Variants in GDA observed in about 807,000 individuals in gnomAD.
The protein encoded by GDA is guanine deaminase, also known as cytoplasmic PSD-95 interactor.
Under a neutral mutation model 59.6 loss-of-function variants are expected in GDA, and 18 were observed. The observed-to-expected ratio is 0.30, with a 90% CI of 0.21 to 0.45. The LOEUF is 0.45. Ranked by LOEUF, GDA falls within the 20% of genes least tolerant of loss-of-function variation. GDA has a pLI of 1.00. For synonymous variants in GDA, 201 were observed against 201.1 expected, an observed-to-expected ratio of 1.00 and a Z score of 0.00; for missense variants, 427 against 552.3, an observed-to-expected ratio of 0.77 and a Z score of 2.27.
At chr9:72,202,822 T>A in intron 3 of GDA, 80 bp downstream of exon 3, 1 of 1,133,700 alleles carries the variant, frequency 8.8e-7, no homozygotes, top group Non-Finnish European at 1.3e-6. Flanking sequence ...ATTTAAATTA[T>A]AAAGCATAAG....
intron 10 of GDA, among the ~76,000 whole-genome samples, 188 bp downstream of exon 10, chr9:72,231,369 G>A (rs1369705093): frequency 6.6e-6 from 1 of 151,972 alleles, no homozygotes; most frequent in African/African-American, 2.4e-5. Context: ...GAGGTCAGGA[G>A]TTCAAGACCA....
At chr9:72,115,434 C>A (rs1045168916) in intron 1 of GDA, among the ~76,000 whole-genome samples, 1 of 152,176 alleles carries the variant, frequency 6.6e-6, no homozygotes, top group Non-Finnish European at 1.5e-5. Context: ...CAGACATCCT[C>A]CTGGAAGAAA....
chr9:72,141,600 AGTGGAGTCC>A (rs1826442567), intron 1 of GDA, among the ~76,000 whole-genome samples: 1 of 152,162 alleles, frequency 6.6e-6, no homozygotes, highest in African/African-American at 2.4e-5. Context: ...TTTCTGCTAG[AGTGGAGTCC>A]AATCTCATTA....
At chr9:72,177,119 G>C (rs1335259207) in intron 1 of GDA, among the ~76,000 whole-genome samples, 4 of 102,158 alleles carry the variant, frequency 3.9e-5, no homozygotes, top group Non-Finnish European at 7.3e-5. Flanking sequence ...TTTTTTTTGA[G>C]ATGGAGTCTT....
rs894546064 is a variant in GDA, at chr9:72,202,835, G to A, written c.384+93G>A. 16 of 1,016,638 alleles carry A rather than the reference G, an allele frequency of 1.6e-5. No individual in the cohort carries two copies. In the African/African-American group the frequency reaches 2.3e-4, roughly 14 times the overall value. The allele number at this position is 1,016,638 out of a possible 1,614,324, so 63.0% of individuals were successfully genotyped here. On this transcript the variant is annotated intron_variant, in intron 3 of 13. Coordinates refer to ENST00000358399, the MANE Select transcript of GDA (RefSeq NM_004293.5). Reference sequence around the variant, plus strand: ...AGATTTAAATTATAAAGCATAAGCAGTTAAGCCTAAGATGGGCCATAGAGA... The same window carrying A: ...AGATTTAAATTATAAAGCATAAGCAATTAAGCCTAAGATGGGCCATAGAGA...
chr9:72,119,708 GA>G (rs1046681952), intron 1 of GDA, among the ~76,000 whole-genome samples: 2 of 151,922 alleles, frequency 1.3e-5, no homozygotes, highest in African/African-American at 2.4e-5. Context: ...GAGTGATTTG[GA>G]AAAAAATTCT....
Position 72,241,106 on chromosome 9 carries a change from T to G in GDA, c.989-46T>G, listed in dbSNP as rs1252521107. ...CAATGTTATATATGTATTATTCCAT[T>G]TATCCTCACAAGGTTACTGTTTTGG... On this transcript the variant is annotated intron_variant, in intron 10 of 13. Transcript: ENST00000358399. 3.5e-6 allele frequency: 5 copies of G among 1,444,714 alleles called. No homozygotes were observed. The South Asian group carries it at 5.0e-5, about 14-fold the overall frequency. The allele number at this position is 1,444,714 out of a possible 1,614,324, so 89.5% of individuals were successfully genotyped here. A position where few individuals can be genotyped will look rare whatever the true frequency, so the allele number is the denominator to read the frequency against.
intron 1 of GDA, among the ~76,000 whole-genome samples, chr9:72,136,182 TA>T: frequency 6.6e-6 from 1 of 152,258 alleles, no homozygotes; most frequent in Non-Finnish European, 1.5e-5. Flanking sequence ...ATGAACAAAA[TA>T]ATGTTATTGA....
intron 5 of GDA, among the ~76,000 whole-genome samples, chr9:72,219,170 C>G (rs573871822): frequency 1.7e-4 from 26 of 152,002 alleles, no homozygotes; most frequent in African/African-American, 5.8e-4. Flanking sequence ...TTTGGGAAGC[C>G]GAGGAGGGCG....
rs1246090453 is a variant in GDA at position 72,251,486 on chromosome 9, T to C, written c.*3144T>C. The C allele has an allele frequency of 1.3e-5, 2 of 152,166 alleles. No homozygotes were observed. Among genetic ancestry groups the C allele is most frequent in the Non-Finnish European group, 2.9e-5 (2 of 68,008 alleles). The allele number at this position is 152,166 out of a possible 1,614,324, so 9.4% of individuals were successfully genotyped here. On this transcript the variant is annotated 3_prime_UTR_variant, in exon 14 of 14. Coordinates refer to ENST00000358399, the MANE Select transcript of GDA (RefSeq NM_004293.5). The stretch of plus-strand genomic sequence containing the variant: ...GCTTCTGGAGACTCTTAGACATCTT[T>C]TCATTGTTGTCCATTTTTAAAGTTG...
At chr9:72,230,584 C>T (rs1263435592) in intron 9 of GDA, among the ~76,000 whole-genome samples, 3 of 151,838 alleles carry the variant, frequency 2.0e-5, no homozygotes, top group Non-Finnish European at 4.4e-5. Context: ...AACCATCTAT[C>T]CTACTTTCTC....
chr9:72,126,106 CG>C (rs1172158241), intron 1 of GDA, among the ~76,000 whole-genome samples: 6 of 151,904 alleles, frequency 3.9e-5, no homozygotes, highest in African/African-American at 1.5e-4. Context: ...TTAGTACAGA[CG>C]GGGTTTCACC....
chr9:72,210,238 G>A (rs933706353), intron 3 of GDA, among the ~76,000 whole-genome samples: 5 of 152,122 alleles, frequency 3.3e-5, no homozygotes, highest in African/African-American at 7.2e-5. Context: ...AATAACGTTT[G>A]TACTCCTTTA....
intron 1 of GDA, among the ~76,000 whole-genome samples, chr9:72,163,878 G>A (rs1357630440): frequency 6.6e-6 from 1 of 152,172 alleles, no homozygotes; most frequent in Non-Finnish European, 1.5e-5. Flanking sequence ...GGTGCAGGAG[G>A]CAGTTTCAGC....
intron 1 of GDA, among the ~76,000 whole-genome samples, chr9:72,125,806 A>G (rs1398509409): frequency 6.6e-6 from 1 of 151,984 alleles, no homozygotes; most frequent in Admixed American, 6.6e-5. Context: ...ATCCACCCCA[A>G]TGTCCTGATC....
intron 1 of GDA, among the ~76,000 whole-genome samples, chr9:72,117,023 A>G (rs972565791): frequency 3.3e-5 from 5 of 150,816 alleles, no homozygotes; most frequent in African/African-American, 1.2e-4. Flanking sequence ...GAGAACATGC[A>G]GTGTTTGGTT....
intron 11 of GDA, among the ~76,000 whole-genome samples, chr9:72,244,070 G>A (rs1339450993): frequency 6.6e-6 from 1 of 151,970 alleles, no homozygotes; most frequent in Middle Eastern, 3.4e-3. Context: ...CTAGCTACTC[G>A]GGAGGCTGAG....
chr9:72,177,587 A>G (rs1209926848), intron 1 of GDA, among the ~76,000 whole-genome samples: 2 of 152,196 alleles, frequency 1.3e-5, no homozygotes, highest in Non-Finnish European at 2.9e-5. Context: ...AAAAGAAAAA[A>G]AAACAAAAAC....
chr9:72,250,574 G>A lies in GDA; in HGVS notation c.*2232G>A. ...TTCTCCAAGTGCGGTGTTCCTGAAT[G>A]TTATGTATGCTTTTTTTTCTGTACC... On this transcript the variant is annotated 3_prime_UTR_variant, in exon 14 of 14. Coordinates refer to ENST00000358399, the MANE Select transcript of GDA (RefSeq NM_004293.5). 8 of 1,478,870 alleles carry A rather than the reference G, an allele frequency of 5.4e-6. No individual in the cohort carries two copies. Among genetic ancestry groups the A allele is most frequent in the Non-Finnish European group, 7.1e-6 (8 of 1,122,388 alleles). The allele number at this position is 1,478,870 out of a possible 1,614,324, so 91.6% of individuals were successfully genotyped here.
Sources: gnomAD v4.1 joint callset for allele counts (sites outside exome capture counted in the v4.1 genomes callset) on GRCh38, gnomAD v4.1.1 for gene constraint, MANE v1.5 for transcripts, NCBI Gene and HGNC (gene_info 2026-07-23, HGNC 2026-07-21) for gene names.